WIPI1: variants seen among roughly 807,000 people sequenced by gnomAD.
WIPI1 encodes the protein WD repeat domain, phosphoinositide interacting 1.
Under a neutral mutation model 55.3 loss-of-function variants are expected in WIPI1, and 45 were observed. That is an observed-to-expected ratio of 0.81 (90% CI 0.64 to 1.04). The LOEUF is 1.04. Ranked by LOEUF, WIPI1 falls within the 50% of genes least tolerant of loss-of-function variation. WIPI1 has a pLI of 0.00. For synonymous variants in WIPI1, 195 were observed against 217.6 expected, an observed-to-expected ratio of 0.90 and a Z score of 0.92; for missense variants, 445 against 559.0, an observed-to-expected ratio of 0.80 and a Z score of 2.06.
intron 4 of WIPI1, among the ~76,000 whole-genome samples, chr17:68,443,627 TC>T (rs1468950637): frequency 6.6e-6 from 1 of 152,148 alleles, no homozygotes; most frequent in Admixed American, 6.5e-5. Context: ...GAACCAAGGT[TC>T]AAAAAGTCTA....
intron 4 of WIPI1, 50 bp downstream of exon 4, chr17:68,444,442 AG>A: frequency 6.6e-7 from 1 of 1,523,168 alleles, no homozygotes; most frequent in Non-Finnish European, 9.0e-7. Context: ...TTGGGAAAGA[AG>A]CACCAGGACA....
rs2083200935 is a variant in WIPI1 at position 68,426,427 on chromosome 17, C to G, written c.1193-252G>C. ...GAATTTTTCTTTGTTGAGGTAGGGT[C>G]TCAGTATGTTGCCCAGGCTGGTCTC... On this transcript the variant is annotated intron_variant, in intron 11 of 12. Transcript: ENST00000262139. Among the ~76,000 whole-genome samples the G allele has an allele frequency of 2.0e-5, 3 of 152,086 alleles. No homozygotes were observed. In the South Asian group the frequency reaches 6.2e-4, roughly 32 times the overall value.
chr17:68,434,949 C>A (rs894349763), intron 6 of WIPI1, among the ~76,000 whole-genome samples: 1 of 152,160 alleles, frequency 6.6e-6, no homozygotes, highest in Non-Finnish European at 1.5e-5. Flanking sequence ...CGCCTGTAAT[C>A]CTAGCACTTT....
At chr17:68,440,017 T>G (rs1219296771) in intron 4 of WIPI1, among the ~76,000 whole-genome samples, 1 of 152,214 alleles carries the variant, frequency 6.6e-6, no homozygotes, top group African/African-American at 2.4e-5. Flanking sequence ...GTTTAAACTT[T>G]CTAAGCTAAT....
chr17:68,434,986 G>A (rs1297550861), intron 6 of WIPI1, among the ~76,000 whole-genome samples: 1 of 152,102 alleles, frequency 6.6e-6, no homozygotes, highest in Non-Finnish European at 1.5e-5. Context: ...TGGATTGCCT[G>A]AGCTCAGGAA....
chr17:68,455,712 C>T (rs1236423114), intron 1 of WIPI1, among the ~76,000 whole-genome samples: 3 of 152,224 alleles, frequency 2.0e-5, no homozygotes, highest in East Asian at 1.9e-4. Flanking sequence ...AGCACCCTAC[C>T]GTTTTGAAAA....
intron 7 of WIPI1, among the ~76,000 whole-genome samples, chr17:68,434,017 G>A (rs1012156014): frequency 2.0e-5 from 3 of 151,946 alleles, no homozygotes; most frequent in African/African-American, 7.3e-5. Context: ...TGATCTGCCT[G>A]CCTTGGCCTC....
intron 1 of WIPI1, among the ~76,000 whole-genome samples, chr17:68,457,049 C>G (rs1013962527): frequency 6.6e-6 from 1 of 152,218 alleles, no homozygotes; most frequent in Non-Finnish European, 1.5e-5. Context: ...CCTGCTCCCC[C>G]CATATTCCGT....
chr17:68,451,218 G>A (rs2147991491), intron 2 of WIPI1, among the ~76,000 whole-genome samples: 1 of 152,262 alleles, frequency 6.6e-6, no homozygotes, highest in South Asian at 2.1e-4. Context: ...ATCACTTGAG[G>A]CCAGGAGTTC....
intron 8 of WIPI1, among the ~76,000 whole-genome samples, chr17:68,432,396 A>G (rs1009431298): frequency 6.6e-6 from 1 of 152,106 alleles, no homozygotes; most frequent in Non-Finnish European, 1.5e-5. Context: ...AAATCTTGGC[A>G]CCTCTCTTTC....
chr17:68,432,175 G>A (rs1307402955), intron 8 of WIPI1, among the ~76,000 whole-genome samples: 3 of 152,180 alleles, frequency 2.0e-5, no homozygotes, highest in Admixed American at 2.0e-4. Context: ...ATGAAGGAGC[G>A]AGAAGGGAGC....
rs747408229 is a variant in WIPI1 at position 68,430,142 on chromosome 17, C to A, written c.819G>T (p.Ser273=). 1 of 1,613,484 alleles carries A rather than the reference C, an allele frequency of 6.2e-7. No homozygotes were observed. Among genetic ancestry groups the A allele is most frequent in the Non-Finnish European group, 8.5e-7 (1 of 1,179,846 alleles). Residue 273 remains serine, a synonymous_variant, in exon 9 of 13, where the codon TCG becomes TCT. Coordinates refer to ENST00000262139, the MANE Select transcript of WIPI1 (RefSeq NM_017983.7). ...QVTNSRPEEP[S]TWSGYMGKMF... ...TCTTTCCCATGTAGCCACTCCAGGT[C>A]GAAGGCTCTTCTGGTCGACTAGGGA... is the stretch of plus-strand genomic sequence containing the variant.
At position 68,436,360 on chromosome 17, in the gene WIPI1, A is replaced by T; in HGVS notation, c.528+22T>A. The T allele has an allele frequency of 2.5e-6, 4 of 1,611,036 alleles. No homozygotes were observed. The African/African-American group carries it at 5.3e-5, about 21-fold the overall frequency. ...ACAGCCAAGGCAGGTGGGTTGGCTC[A>T]GCCAGGTCACCGTCAACTTACCAGG... On this transcript the variant is annotated intron_variant, in intron 5 of 12. Coordinates refer to ENST00000262139, the MANE Select transcript of WIPI1 (RefSeq NM_017983.7).
intron 11 of WIPI1, 65 bp from the exon 12 acceptor site, chr17:68,426,240 G>GGC: frequency 1.8e-6 from 2 of 1,131,482 alleles, no homozygotes; most frequent in Admixed American, 2.0e-5. Context: ...TGACCTGGCG[G>GGC]GTGGGGAGCG....
intron 4 of WIPI1, among the ~76,000 whole-genome samples, chr17:68,437,574 G>A (rs949496555): frequency 6.6e-6 from 1 of 151,544 alleles, no homozygotes; most frequent in South Asian, 2.1e-4. Context: ...AAAAGAAACC[G>A]AGCAATTTCT....
intron 7 of WIPI1, among the ~76,000 whole-genome samples, chr17:68,433,790 T>TTTTTTTG (rs2083648513): frequency 1.4e-5 from 1 of 73,112 alleles, no homozygotes; most frequent in African/African-American, 5.1e-5. Flanking sequence ...TTTTTTTTTT[T>TTTTTTTG]TTTTTTTTGA....
chr17:68,431,762 C>CGTGGG (rs1392178504), intron 8 of WIPI1, among the ~76,000 whole-genome samples: 1 of 152,302 alleles, frequency 6.6e-6, no homozygotes, highest in Non-Finnish European at 1.5e-5. Context: ...ATATGAACAC[C>CGTGGG]CGTGGACAGG....
At chr17:68,456,814 G>GCCTGGGGGCCTGT (rs1433687088) in intron 1 of WIPI1, among the ~76,000 whole-genome samples, 3 of 152,208 alleles carry the variant, frequency 2.0e-5, no homozygotes, top group African/African-American at 7.2e-5. Context: ...ACAGGGGCTG[G>GCCTGGGGGCCTGT]CCTGGCCGCA....
Position 68,430,116 on chromosome 17 carries a change from A to T in WIPI1, c.845T>A (p.Met282Lys), listed in dbSNP as rs753372692. Residue 282 changes from methionine (M) to lysine (K), a missense_variant, in exon 9 of 13, where the codon ATG (methionine) becomes AAG (lysine). By Grantham distance (95) the Met-to-Lys change is moderately conservative (BLOSUM62 -1). Transcript: ENST00000262139. The part of the protein sequence containing the change: ...PSTWSGYMGK[M>K]FMAATNYLPT... Reference sequence around the variant, plus strand: ...GAGGTAGTTGGTAGCAGCCATAAACATCTTTCCCATGTAGCCACTCCAGGT... The same window carrying T: ...GAGGTAGTTGGTAGCAGCCATAAACTTCTTTCCCATGTAGCCACTCCAGGT... The T allele has an allele frequency of 1.9e-6, 3 of 1,614,052 alleles. No homozygotes were observed. Among genetic ancestry groups the T allele is most frequent in the South Asian group, 1.1e-5 (1 of 91,084 alleles).
Sources: allele counts gnomAD v4.1 joint callset (sites outside exome capture counted in the v4.1 genomes callset), GRCh38; gene constraint gnomAD v4.1.1; transcripts MANE v1.5; gene names NCBI Gene and HGNC (gene_info 2026-07-23, HGNC 2026-07-21).